Variants in ARHGAP25 observed in about 807,000 individuals in gnomAD.
The protein encoded by ARHGAP25 is rho GTPase-activating protein 25.
In ARHGAP25, 34 loss-of-function variants were observed where a neutral mutation model predicts 71.0. The observed-to-expected ratio is 0.48, with a 90% CI of 0.36 to 0.64. The LOEUF is 0.64. ARHGAP25 is among the 30% of genes least tolerant of loss of function. The pLI, the probability that ARHGAP25 is intolerant of heterozygous loss-of-function variation, is 0.00. For synonymous variants in ARHGAP25, 282 were observed against 296.5 expected, an observed-to-expected ratio of 0.95 and a Z score of 0.50; for missense variants, 706 against 805.1, an observed-to-expected ratio of 0.88 and a Z score of 1.49.
At chr2:68,783,898 T>A (rs1386880437) in intron 3 of ARHGAP25, among the ~76,000 whole-genome samples, 2 of 152,198 alleles carry the variant, frequency 1.3e-5, no homozygotes, top group Non-Finnish European at 2.9e-5. Context: ...GTTCTTAGGA[T>A]GCTTCTCCCA....
intron 3 of ARHGAP25, among the ~76,000 whole-genome samples, chr2:68,787,487 CT>C (rs1431130081): frequency 6.6e-6 from 1 of 152,250 alleles, no homozygotes; most frequent in Non-Finnish European, 1.5e-5. Flanking sequence ...GATCTAAAGT[CT>C]TCTAACTTTT....
chr2:68,825,286 A>G (rs1682033098), intron 10 of ARHGAP25, among the ~76,000 whole-genome samples: 3 of 152,200 alleles, frequency 2.0e-5, no homozygotes, highest in African/African-American at 7.2e-5. Flanking sequence ...ACTCATGAGC[A>G]CAGAGGTGTG....
intron 5 of ARHGAP25, among the ~76,000 whole-genome samples, chr2:68,810,842 A>G (rs1260882672): frequency 6.6e-6 from 1 of 150,996 alleles, no homozygotes; most frequent in East Asian, 1.9e-4. Flanking sequence ...CCTGGATTCA[A>G]GTTATTCTCC....
At chr2:68,755,805 G>T (rs1676448883) in intron 1 of ARHGAP25, among the ~76,000 whole-genome samples, 1 of 152,186 alleles carries the variant, frequency 6.6e-6, no homozygotes, top group African/African-American at 2.4e-5. Flanking sequence ...AATTTGATTT[G>T]TTCTTGAGCA....
At chr2:68,752,390 C>T (rs1034345170) in intron 1 of ARHGAP25, among the ~76,000 whole-genome samples, 7 of 151,710 alleles carry the variant, frequency 4.6e-5, no homozygotes, top group Non-Finnish European at 7.4e-5. Flanking sequence ...TTCCAAGTTC[C>T]CCTGGGGCCC....
At position 68,743,579 on chromosome 2, in the gene ARHGAP25, G is replaced by A. The variant is rs146157673; in HGVS notation, c.61+8319G>A. On this transcript the variant is annotated intron_variant, in intron 1 of 10. Transcript: ENST00000409202. The stretch of plus-strand genomic sequence containing the variant: ...CATGCACCTGGTCATTCAGAAGCCA[G>A]AAATCCACTTTATTAGTGAGTGAGG... Among the ~76,000 whole-genome samples the A allele has an allele frequency of 2.6e-5, 4 of 152,270 alleles. No individual in the cohort carries two copies. The East Asian group carries it at 7.7e-4, about 29-fold the overall frequency.
chr2:68,739,011 C>T (rs1346684058), intron 1 of ARHGAP25, among the ~76,000 whole-genome samples: 2 of 152,156 alleles, frequency 1.3e-5, no homozygotes, highest in Non-Finnish European at 2.9e-5. Context: ...TAAATTCTCT[C>T]CACGAAGTGC....
intron 5 of ARHGAP25, among the ~76,000 whole-genome samples, chr2:68,810,648 T>C (rs537223373): frequency 6.6e-6 from 1 of 152,300 alleles, no homozygotes; most frequent in South Asian, 2.1e-4. Flanking sequence ...AAATTTCTCC[T>C]GATTAAACTG....
intron 2 of ARHGAP25, among the ~76,000 whole-genome samples, chr2:68,724,954 G>A (rs1051961686): frequency 6.6e-6 from 1 of 152,168 alleles, no homozygotes; most frequent in Non-Finnish European, 1.5e-5. Flanking sequence ...GCCTTTGCTG[G>A]TCTATATTGT....
intron 2 of ARHGAP25, 183 bp downstream of exon 2, chr2:68,775,603 A>T: frequency 1.0e-6 from 1 of 978,140 alleles, no homozygotes; most frequent in South Asian, 1.4e-5. Flanking sequence ...AAGATGACAG[A>T]GTGGTCCTCC....
intron 1 of ARHGAP25, among the ~76,000 whole-genome samples, chr2:68,762,022 A>G (rs1472516399): frequency 1.3e-5 from 2 of 152,246 alleles, no homozygotes; most frequent in Non-Finnish European, 1.5e-5. Flanking sequence ...AAAATGTGGT[A>G]TATACATTCA....
chr2:68,821,092 CTTTTTTTTTT>C (rs34119311), intron 9 of ARHGAP25, among the ~76,000 whole-genome samples: 1 of 99,452 alleles, frequency 1.0e-5, no homozygotes, highest in South Asian at 3.2e-4. Context: ...CTTTTTCTTT[CTTTTTTTTTT>C]TTTTTTTTTT....
intron 5 of ARHGAP25, among the ~76,000 whole-genome samples, chr2:68,811,282 C>A (rs1298719255): frequency 6.6e-6 from 1 of 152,076 alleles, no homozygotes; most frequent in Non-Finnish European, 1.5e-5. Context: ...AAGGAGAGGT[C>A]CCAATCAAAC....
At chr2:68,799,683 T>C (rs1174899248) in intron 4 of ARHGAP25, among the ~76,000 whole-genome samples, 2 of 152,176 alleles carry the variant, frequency 1.3e-5, no homozygotes, top group Non-Finnish European at 2.9e-5. Flanking sequence ...GACAGCTTTA[T>C]GTTCACTGTT....
intron 5 of ARHGAP25, among the ~76,000 whole-genome samples, 182 bp from the exon 6 acceptor site, chr2:68,813,105 G>T (rs1316121740): frequency 6.6e-6 from 1 of 152,176 alleles, no homozygotes; most frequent in East Asian, 1.9e-4. Context: ...CAAGAATGTT[G>T]TTCCAGAAGG....
At chr2:68,765,062 T>C (rs1677044979) in intron 1 of ARHGAP25, among the ~76,000 whole-genome samples, 1 of 152,066 alleles carries the variant, frequency 6.6e-6, no homozygotes, top group South Asian at 2.1e-4. Context: ...ACCCTTGGGC[T>C]CCCTCCGGTT....
upstream of ARHGAP25, among the ~76,000 whole-genome samples, chr2:68,733,931 A>C (rs1378320287): frequency 6.6e-5 from 10 of 152,186 alleles, no homozygotes; most frequent in Admixed American, 6.5e-4. Flanking sequence ...TACAGATAAG[A>C]ATTGAAGCAC....
At chr2:68,751,483 A>C (rs1281296356) in intron 1 of ARHGAP25, among the ~76,000 whole-genome samples, 2 of 152,234 alleles carry the variant, frequency 1.3e-5, no homozygotes, top group Non-Finnish European at 2.9e-5. Context: ...TCCAGTTAGC[A>C]GTAGATTTCC....
chr2:68,824,246 G>A (rs1205396578), intron 10 of ARHGAP25, among the ~76,000 whole-genome samples: 1 of 136,784 alleles, frequency 7.3e-6, no homozygotes. Flanking sequence ...GGTAGAAAAA[G>A]AACTGGCTGC....
Sources: gnomAD v4.1 joint callset for allele counts (sites outside exome capture counted in the v4.1 genomes callset) on GRCh38, gnomAD v4.1.1 for gene constraint, MANE v1.5 for transcripts, NCBI Gene and HGNC (gene_info 2026-07-23, HGNC 2026-07-21) for gene names.